Variants in TCF4 observed in about 807,000 individuals in gnomAD.
TCF4 encodes transcription factor 4, also known as SL3-3 enhancer factor 2.
Under a neutral mutation model 82.1 loss-of-function variants are expected in TCF4, and 3 were observed. That is an observed-to-expected ratio of 0.04 (90% CI 0.02 to 0.09). The LOEUF is 0.09. Among genes scored for constraint, TCF4 ranks in the 10% least tolerant of loss-of-function variants. The pLI is 1.00. For synonymous variants in TCF4, 276 were observed against 309.6 expected (o/e 0.89, Z 1.14); for missense variants, 518 against 852.7 (o/e 0.61, Z 4.89).
rs369262048 is a variant in TCF4 at position 55,228,884 on chromosome 18, C to G, written c.1842G>C (p.Ala614=). Reference sequence around the variant, plus strand: ...GCTCCAGACTGAGGATGACGGCCACCGCCTGGTGGAGGATCAGGAGCTTGG... The same window carrying G: ...GCTCCAGACTGAGGATGACGGCCACGGCCTGGTGGAGGATCAGGAGCTTGG... The part of the protein sequence containing the change: ...PQTKLLILHQ[A]VAVILSLEQQ... The change falls in exon 18 of 20, where the codon GCG becomes GCC. Residue 614 remains alanine, a synonymous_variant. Transcript: ENST00000354452. 1 of 1,613,952 alleles carries G rather than the reference C, an allele frequency of 6.2e-7. No individual in the cohort carries two copies. Among genetic ancestry groups the G allele is most frequent in the African/African-American group, 1.3e-5 (1 of 74,896 alleles).
chr18:55,455,663 T>C (rs576647414), intron 5 of TCF4, among the ~76,000 whole-genome samples: 4 of 152,302 alleles, frequency 2.6e-5, no homozygotes, highest in Admixed American at 2.6e-4. Context: ...ACATCTATAT[T>C]CACAGTTCCG....
chr18:55,519,270 A>C (rs1257570616), intron 3 of TCF4, among the ~76,000 whole-genome samples: 1 of 151,750 alleles, frequency 6.6e-6, no homozygotes, highest in African/African-American at 2.4e-5. Context: ...ATGTCTCTAC[A>C]AAAAAATACA....
At chr18:55,305,081 A>G (rs1426320896) in intron 8 of TCF4, among the ~76,000 whole-genome samples, 1 of 152,160 alleles carries the variant, frequency 6.6e-6, no homozygotes, top group African/African-American at 2.4e-5. Flanking sequence ...TAATAAATCT[A>G]TCTGCTAAAG....
chr18:55,426,039 C>G (rs1366147520), intron 5 of TCF4, among the ~76,000 whole-genome samples: 2 of 151,614 alleles, frequency 1.3e-5, no homozygotes, highest in African/African-American at 2.4e-5. Flanking sequence ...CATTTTACAG[C>G]AGACTTGTTT....
At chr18:55,600,944 A>T (rs113477183) in intron 2 of TCF4, among the ~76,000 whole-genome samples, 1,591 of 152,314 alleles carry the variant, frequency 0.01, 11 homozygotes, top group Non-Finnish European at 0.016. Context: ...GGGGGATGGC[A>T]CTGGTTATAT....
At position 55,441,561 on chromosome 18, in the gene TCF4, A is replaced by G. The variant is rs536867029; in HGVS notation, c.304+19458T>C. Among the ~76,000 whole-genome samples, 3 of 152,300 alleles carry G rather than the reference A, an allele frequency of 2.0e-5. No individual in the cohort carries two copies. In the East Asian group the frequency reaches 5.8e-4, roughly 29 times the overall value. ...TTTTGTAACCTTTAATTATTAACCA[A>G]TATTAGCTTTTCTCAAATTTAAACA... On this transcript the variant is annotated intron_variant, in intron 5 of 19. Transcript: ENST00000354452.
At position 55,232,585 on chromosome 18, in the gene TCF4, C is replaced by T; in HGVS notation, c.1573G>A (p.Asp525Asn). The T allele has an allele frequency of 1.2e-6, 2 of 1,614,178 alleles. No homozygotes were observed. Among genetic ancestry groups the T allele is most frequent in the Non-Finnish European group, 1.7e-6 (2 of 1,180,024 alleles). Reference protein sequence around the residue: ...SDDEGDENLQDTKSSEDKKLD... With the variant: ...SDDEGDENLQNTKSSEDKKLD... ...TTCTTGTCCTCCGAAGATTTCGTGT[C>T]TTGCAGGTTCTCATCACCCTCGTCA... Residue 525 changes from aspartate (D) to asparagine (N), a missense_variant, in exon 17 of 20, where the codon GAC becomes AAC. Around this residue, in one of 7 missense-constraint regions of TCF4, gnomAD observed 144 missense variants for 190.2 expected, o/e 0.76. Coordinates refer to ENST00000354452, the MANE Select transcript of TCF4 (RefSeq NM_001083962.2).
intron 8 of TCF4, among the ~76,000 whole-genome samples, chr18:55,334,521 CA>C (rs201980432): frequency 6.7e-6 from 1 of 150,208 alleles, no homozygotes; most frequent in African/African-American, 2.4e-5. Flanking sequence ...ACATTCCTTT[CA>C]AAAAAAAAGA....
chr18:55,517,699 T>G (rs1040235055), intron 3 of TCF4, among the ~76,000 whole-genome samples: 3 of 152,118 alleles, frequency 2.0e-5, no homozygotes, highest in Admixed American at 6.6e-5. Context: ...ATGGGAAGGC[T>G]GAGGAAGAAA....
chr18:55,240,368 T>C (rs774566277), intron 15 of TCF4, among the ~76,000 whole-genome samples: 1 of 152,208 alleles, frequency 6.6e-6, no homozygotes, highest in Non-Finnish European at 1.5e-5. Context: ...GAAAACAGTT[T>C]TGGTGTCTGA....
At chr18:55,461,250 A>C (rs148817753) in intron 4 of TCF4, 135 bp from the exon 5 acceptor site, 1 of 706,346 alleles carries the variant, frequency 1.4e-6, no homozygotes, top group Non-Finnish European at 2.4e-6. Flanking sequence ...ACTTCACTAG[A>C]AGGAATCTGC....
chr18:55,548,958 CTT>C (rs2147099624), intron 3 of TCF4, among the ~76,000 whole-genome samples: 1 of 152,210 alleles, frequency 6.6e-6, no homozygotes, highest in African/African-American at 2.4e-5. Flanking sequence ...CTACCGTAGA[CTT>C]TATCAACATT....
At chr18:55,506,911 G>A (rs996969855) in intron 3 of TCF4, among the ~76,000 whole-genome samples, 1 of 146,926 alleles carries the variant, frequency 6.8e-6, no homozygotes. Context: ...CACTGAGGCT[G>A]GAGTGCAGTG....
At chr18:55,594,130 A>G (rs1461709565) in intron 2 of TCF4, among the ~76,000 whole-genome samples, 1 of 152,206 alleles carries the variant, frequency 6.6e-6, no homozygotes. Context: ...TACACACCCC[A>G]GGGCCTTTGC....
At chr18:55,442,792 T>G (rs1011350323) in intron 5 of TCF4, among the ~76,000 whole-genome samples, 1 of 152,176 alleles carries the variant, frequency 6.6e-6, no homozygotes, top group Non-Finnish European at 1.5e-5. Context: ...GCCAGGTGCA[T>G]AGAAGAACTT....
In TCF4 at chr18:55,464,888, A is replaced by G. The variant is rs575718852; in HGVS notation, c.146-751T>C. Among the ~76,000 whole-genome samples, 4 of 152,354 alleles carry G rather than the reference A, an allele frequency of 2.6e-5. No homozygotes were observed. The South Asian group carries it at 8.3e-4, about 32-fold the overall frequency. ...TCGAAAAGTTGGAATTCTAAACTCAATACCAGCAAAGTTTTAATGCTGAGT... is the reference window on the plus strand; with the variant it reads ...TCGAAAAGTTGGAATTCTAAACTCAGTACCAGCAAAGTTTTAATGCTGAGT... On this transcript the variant is annotated intron_variant, in intron 3 of 19. Coordinates refer to ENST00000354452, the MANE Select transcript of TCF4 (RefSeq NM_001083962.2).
chr18:55,327,473 G>A (rs2076754143), intron 8 of TCF4, among the ~76,000 whole-genome samples: 1 of 152,096 alleles, frequency 6.6e-6, no homozygotes, highest in African/African-American at 2.4e-5. Context: ...CAAAATATCA[G>A]CGTAAACTGT....
chr18:55,623,571 TAGAC>T (rs1042189317), intron 2 of TCF4, among the ~76,000 whole-genome samples: 37 of 152,342 alleles, frequency 2.4e-4, no homozygotes, highest in Middle Eastern at 3.4e-3. Flanking sequence ...TGTTTAATCT[TAGAC>T]AGTCTGGTTT....
chr18:55,321,982 C>T, intron 8 of TCF4: 1 of 1,293,124 alleles, frequency 7.7e-7, no homozygotes, highest in Non-Finnish European at 9.8e-7. Context: ...GCTCGAAATC[C>T]TAATGCATAC....
Sources: allele counts gnomAD v4.1 joint callset (sites outside exome capture counted in the v4.1 genomes callset), GRCh38; gene constraint gnomAD v4.1.1; regional missense constraint gnomAD v4.1.1; transcripts MANE v1.5; gene names NCBI Gene and HGNC (gene_info 2026-07-23, HGNC 2026-07-21).